Variants in MYT1L observed in about 807,000 individuals in gnomAD.
MYT1L encodes myelin transcription factor 1 like.
A neutral mutation model predicts 126.7 loss-of-function variants in MYT1L; 12 were observed. The ratio of observed to expected loss-of-function variants is 0.09; its 90% confidence interval spans 0.06 to 0.15. The LOEUF (loss-of-function observed/expected upper bound fraction) is 0.15. MYT1L is among the 10% of genes least tolerant of loss of function. The pLI is 1.00. For synonymous variants in MYT1L, 541 were observed against 604.2 expected (o/e 0.90, Z 1.53); for missense variants, 979 against 1,585.2 (o/e 0.62, Z 6.49).
chr2:1,894,682 TA>T (rs1423224187), intron 14 of MYT1L, among the ~76,000 whole-genome samples: 3 of 151,968 alleles, frequency 2.0e-5, no homozygotes, highest in Admixed American at 2.0e-4. Context: ...ATTAAAGGAA[TA>T]ACACAAGTTA....
At chr2:2,110,039 C>T (rs1046498513) in intron 3 of MYT1L, among the ~76,000 whole-genome samples, 14 of 151,554 alleles carry the variant, frequency 9.2e-5, no homozygotes, top group African/African-American at 2.7e-4. Context: ...CATGGAGTGA[C>T]GCAGGGAGTA....
chr2:2,190,017 T>A (rs1479092414), intron 2 of MYT1L, among the ~76,000 whole-genome samples: 1 of 152,222 alleles, frequency 6.6e-6, no homozygotes, highest in Non-Finnish European at 1.5e-5. Flanking sequence ...CAGCTGGTTT[T>A]TCTGAGAGGA....
chr2:2,261,717 C>G (rs2094973463), intron 2 of MYT1L, among the ~76,000 whole-genome samples: 1 of 152,008 alleles, frequency 6.6e-6, no homozygotes, highest in Admixed American at 6.5e-5. Context: ...GATCTTCAGA[C>G]CATTAAAATG....
At chr2:2,268,058 G>T (rs1214274010) in intron 2 of MYT1L, among the ~76,000 whole-genome samples, 1 of 152,142 alleles carries the variant, frequency 6.6e-6, no homozygotes, top group African/African-American at 2.4e-5. Flanking sequence ...ATTCCAAAAT[G>T]CTAGAAACAG....
rs556699772 is a variant in MYT1L at position 1,986,362 on chromosome 2, G to T, written c.1-6585C>A. 3.9e-5 allele frequency among the ~76,000 whole-genome samples: 6 copies of T among 152,264 alleles called. No homozygotes were observed. The Middle Eastern group carries it at 0.01, about 259-fold the overall frequency. On this transcript the variant is annotated intron_variant, in intron 5 of 24. Transcript: ENST00000647738. ...GGGATCACTGGACGTTAAGCCAGAA[G>T]TCAGCAAGGAGCCTTTCAGAGCTTC...
intron 18 of MYT1L, among the ~76,000 whole-genome samples, chr2:1,861,309 T>G (rs2044560357): frequency 6.6e-6 from 1 of 152,102 alleles, no homozygotes. Context: ...GCAGATCAGT[T>G]TCCAAAAGCT....
At position 1,917,563 on chromosome 2, in the gene MYT1L, TAAAGA is replaced by T. The variant is rs2053026260; in HGVS notation, c.1484-229_1484-225del. Among the ~76,000 whole-genome samples, 1 of 152,216 alleles carries T rather than the reference TAAAGA, an allele frequency of 6.6e-6. No individual in the cohort carries two copies. Among genetic ancestry groups the T allele is most frequent in the Non-Finnish European group, 1.5e-5 (1 of 68,034 alleles). ...TCATAAAGTATTTTAATTTTTATTC[TAAAGA>T]AAAGAAAAGCCTACCCCTCACCTTA... On this transcript the variant is annotated intron_variant, in intron 10 of 24. Transcript: ENST00000647738. This position sits in a 1 kb window ranked among gnomAD's most constrained non-coding sequence, Gnocchi z 5.9.
chr2:2,153,946 G>A (rs2086274759), intron 3 of MYT1L, among the ~76,000 whole-genome samples: 1 of 152,178 alleles, frequency 6.6e-6, no homozygotes, highest in African/African-American at 2.4e-5. Flanking sequence ...TGGTGGACTA[G>A]TGCCGGAGAG....
In MYT1L at chr2:1,995,736, C is replaced by G. The variant is rs540637868; in HGVS notation, c.-1+1455G>C. Among the ~76,000 whole-genome samples the G allele has an allele frequency of 1.6e-4, 25 of 152,272 alleles. No individual in the cohort carries two copies. In the South Asian group the frequency reaches 5.0e-3, roughly 30 times the overall value. On this transcript the variant is annotated intron_variant, in intron 5 of 24. Coordinates refer to ENST00000647738, the MANE Select transcript of MYT1L (RefSeq NM_001303052.2). ...GACCAGCTGATGCCGAAATCCCCGT[C>G]CCAGACAACACTGCCTGGGCTTGGT...
At chr2:2,156,638 T>C (rs962228499) in intron 3 of MYT1L, among the ~76,000 whole-genome samples, 1 of 152,204 alleles carries the variant, frequency 6.6e-6, no homozygotes, top group Non-Finnish European at 1.5e-5. Context: ...GAAGGCTGGC[T>C]TTCTGCTTTT....
intron 8 of MYT1L, among the ~76,000 whole-genome samples, chr2:1,978,360 C>T (rs542712833): frequency 6.6e-6 from 1 of 152,308 alleles, no homozygotes; most frequent in South Asian, 2.1e-4. Flanking sequence ...ATACTTTAGC[C>T]TGTAAACTCT....
chr2:1,994,766 A>G lies in MYT1L; in HGVS notation c.-1+2425T>C, dbSNP rs114640144. 2.4e-3 allele frequency among the ~76,000 whole-genome samples: 365 copies of G among 152,358 alleles called. 1 individual carries two copies. Among genetic ancestry groups the G allele is most frequent in the African/African-American group, 8.2e-3 (342 of 41,580 alleles). ...TTTAGTAATGTGGTAAAAAAAATTT[A>G]AAATTAAAAATTCAAATATGTTTTG... On this transcript the variant is annotated intron_variant, in intron 5 of 24. Coordinates refer to ENST00000647738, the MANE Select transcript of MYT1L (RefSeq NM_001303052.2).
chr2:1,843,348 C>T (rs888628980), intron 19 of MYT1L, among the ~76,000 whole-genome samples: 1 of 152,154 alleles, frequency 6.6e-6, no homozygotes, highest in Non-Finnish European at 1.5e-5. Context: ...TTGCACAGAG[C>T]GGGTCATTCA....
chr2:2,203,215 A>G (rs1223712290), intron 2 of MYT1L, among the ~76,000 whole-genome samples: 26 of 148,010 alleles, frequency 1.8e-4, no homozygotes, highest in Non-Finnish European at 3.0e-5. Context: ...CTGGCACAAG[A>G]CAGGGATGCC....
chr2:2,008,319 G>A (rs987433246), intron 4 of MYT1L, among the ~76,000 whole-genome samples: 13 of 152,278 alleles, frequency 8.5e-5, no homozygotes, highest in African/African-American at 2.6e-4. Flanking sequence ...GGCCAGCCTC[G>A]CATTAATTAA....
intron 2 of MYT1L, among the ~76,000 whole-genome samples, chr2:2,283,412 TAA>T (rs1249803478): frequency 6.6e-6 from 1 of 152,198 alleles, no homozygotes; most frequent in Non-Finnish European, 1.5e-5. Flanking sequence ...ATTGAGAGGA[TAA>T]GTTTCTAAAG....
chr2:1,796,788 G>T (rs528522404), intron 23 of MYT1L, among the ~76,000 whole-genome samples: 6 of 152,024 alleles, frequency 3.9e-5, no homozygotes, highest in African/African-American at 1.2e-4. Context: ...GACTCCCGCC[G>T]TCTCTCCTCG....
rs767586558 is a variant in MYT1L at position 1,910,226 on chromosome 2, C to A, written c.1817+14G>T. Reference sequence around the variant, plus strand: ...ATGGATAGAGCTCACGGATGGTGCACTCCTGCTGGGTACCTGAGCACGCGG... The same window carrying A: ...ATGGATAGAGCTCACGGATGGTGCAATCCTGCTGGGTACCTGAGCACGCGG... On this transcript the variant is annotated intron_variant, in intron 13 of 24. Transcript: ENST00000647738. The surrounding 1 kb of genome is among the most constrained non-coding windows in gnomAD (Gnocchi z 4.8). 1 of 1,610,920 alleles carries A rather than the reference C, an allele frequency of 6.2e-7. No individual in the cohort carries two copies. The highest frequency in any genetic ancestry group is 1.1e-5 in the South Asian group (1 of 91,000).
At chr2:2,221,293 T>C (rs1042291951) in intron 2 of MYT1L, among the ~76,000 whole-genome samples, 1 of 152,138 alleles carries the variant, frequency 6.6e-6, no homozygotes, top group Non-Finnish European at 1.5e-5. Flanking sequence ...GAGGGCGGAC[T>C]GGGAACCGCT....
Sources: allele counts gnomAD v4.1 joint callset (sites outside exome capture counted in the v4.1 genomes callset), GRCh38; gene constraint gnomAD v4.1.1; non-coding constraint Gnocchi (gnomAD v3.1); transcripts MANE v1.5; gene names NCBI Gene and HGNC (gene_info 2026-07-23, HGNC 2026-07-21).